ZCCHC8: variants seen among roughly 807,000 people sequenced by gnomAD.
ZCCHC8 encodes zinc finger CCHC domain-containing protein 8.
ZCCHC8 carries 27 observed loss-of-function variants against 70.6 expected under a neutral mutation model. The ratio of observed to expected loss-of-function variants is 0.38; its 90% CI spans 0.28 to 0.53. ZCCHC8 has a LOEUF of 0.53. Ranked by LOEUF, ZCCHC8 falls within the 20% of genes least tolerant of loss-of-function variation. ZCCHC8 has a pLI of 0.81. For synonymous variants in ZCCHC8, 293 were observed against 317.4 expected, an observed-to-expected ratio of 0.92 and a Z score of 0.82; for missense variants, 737 against 876.9, an observed-to-expected ratio of 0.84 and a Z score of 2.01.
chr12:122,481,326 A>T (rs1957529443), intron 10 of ZCCHC8, 196 bp downstream of exon 10: 2 of 632,334 alleles, frequency 3.2e-6, no homozygotes, highest in Admixed American at 7.0e-5. Context: ...AAGCCCAGAA[A>T]ACCATCAGAT....
chr12:122,482,133 A>T, intron 8 of ZCCHC8, 46 bp from the exon 9 acceptor site: 1 of 1,527,782 alleles, frequency 6.5e-7, no homozygotes, highest in Non-Finnish European at 8.7e-7. Context: ...GCAACTCAGA[A>T]ATATTTCAGA....
rs1185265225 is a variant in ZCCHC8 at position 122,473,553 on chromosome 12, T to G, written c.2068A>C (p.Ser690Arg). Residue 690 changes from serine (S) to arginine (R), a missense_variant, in exon 14 of 14, where the codon AGC becomes CGC. By Grantham distance (110) the Ser-to-Arg change is moderately radical. Coordinates refer to ENST00000633063, the MANE Select transcript of ZCCHC8 (RefSeq NM_017612.5). ...ESTGMYLRIR[S>R]LLKNSPRNQQ... is the part of the protein sequence containing the mutation. ...TTTCGGGGTGAGTTCTTTAACAAGC[T>G]TCTTATCCTGAGGTACATTCCAGTA... 6.2e-7 allele frequency: 1 copy of G among 1,613,942 alleles called. No homozygotes were observed. Among genetic ancestry groups the G allele is most frequent in the Non-Finnish European group, 8.5e-7 (1 of 1,179,906 alleles).
chr12:122,489,552 A>C lies in ZCCHC8; in HGVS notation c.424-89T>G, dbSNP rs534498930. 3.4e-6 allele frequency: 4 copies of C among 1,170,624 alleles called. No homozygotes were observed. The East Asian group carries it at 1.0e-4, about 29-fold the overall frequency. 72.5% of individuals were successfully genotyped at this position (1,170,624 alleles called of 1,614,324 possible). On this transcript the variant is annotated intron_variant, in intron 4 of 13. Coordinates refer to ENST00000633063, the MANE Select transcript of ZCCHC8 (RefSeq NM_017612.5). ...TAGTAAGTTTAGAAATTAAGCTAAG[A>C]ATGTTTATGAACGACATTTCATGTG...
chr12:122,474,950 G>A (rs1320418944), intron 13 of ZCCHC8, among the ~76,000 whole-genome samples: 4 of 152,064 alleles, frequency 2.6e-5, no homozygotes, highest in Admixed American at 2.6e-4. Flanking sequence ...GGCCAGGCTG[G>A]TCTCGAACTC....
rs1489076250 is a variant in ZCCHC8, at chr12:122,477,871, C to G, written c.1315G>C (p.Gly439Arg). The G allele has an allele frequency of 1.4e-5, 23 of 1,613,684 alleles. No homozygotes were observed. The highest frequency in any genetic ancestry group is 1.9e-5 in the Non-Finnish European group (23 of 1,179,796). The change falls in exon 13 of 14, where the codon GGA becomes CGA. Residue 439 changes from glycine to arginine, a missense_variant. Transcript: ENST00000633063. ...KKQKNESNSA[G>R]SPADMELDSD... ...TCGAGCTCCATGTCGGCGGGAGATCCCGCTGAGTTGCTTTCATTCTTCTGC... is the reference window on the plus strand; with the variant it reads ...TCGAGCTCCATGTCGGCGGGAGATCGCGCTGAGTTGCTTTCATTCTTCTGC...
chr12:122,493,072 T>C (rs549764584), intron 2 of ZCCHC8, among the ~76,000 whole-genome samples: 1 of 152,268 alleles, frequency 6.6e-6, no homozygotes, highest in Admixed American at 6.5e-5. Flanking sequence ...TTTGCCATGT[T>C]GGCCAGGCTG....
At position 122,498,869 on chromosome 12, in the gene ZCCHC8, T is replaced by G. The variant is rs1234570703; in HGVS notation, c.200A>C (p.Asn67Thr). Residue 67 changes from asparagine to threonine, a missense_variant and splice_region_variant, in exon 2 of 14, where the codon AAT becomes ACT. Asn to Thr is a moderately conservative substitution (Grantham distance 65). Coordinates refer to ENST00000633063, the MANE Select transcript of ZCCHC8 (RefSeq NM_017612.5). ...EETIEQLRAE[N>T]QELKRKLNIL... ...GTTCAATTTTCGTTTAAGTTCTTGA[T>G]GTTATTATTTGTTAAGGAAGATAAG... 6.2e-7 allele frequency: 1 copy of G among 1,612,850 alleles called. No individual in the cohort carries two copies. The highest frequency in any genetic ancestry group is 2.2e-5 in the East Asian group (1 of 44,784).
rs1383552028 is a variant in ZCCHC8, at chr12:122,500,672, C to T, written c.169G>A (p.Glu57Lys). Reference protein sequence around the residue: ...AELRERLRQCEETIEQLRAEN... With the variant: ...AELRERLRQCKETIEQLRAEN... ...GCGCGGAGCTGCTCGATGGTCTCCTCGCACTGCCGAAGCCGCTCCCGTAGC... is the reference window on the plus strand; with the variant it reads ...GCGCGGAGCTGCTCGATGGTCTCCTTGCACTGCCGAAGCCGCTCCCGTAGC... Residue 57 changes from glutamate (E) to lysine (K), a missense_variant, in exon 1 of 14, where the codon GAG (glutamate) becomes AAG (lysine). Physicochemically the swap from Glu to Lys is moderately conservative, Grantham distance 56. Transcript: ENST00000633063. The surrounding 1 kb of genome is among the most constrained non-coding windows in gnomAD (Gnocchi z 4.8). 1.3e-6 allele frequency: 2 copies of T among 1,581,398 alleles called. No homozygotes were observed. Among genetic ancestry groups the T allele is most frequent in the African/African-American group, 1.3e-5 (1 of 74,318 alleles).
intron 3 of ZCCHC8, 142 bp downstream of exon 3, chr12:122,492,573 A>G: frequency 6.3e-6 from 4 of 634,362 alleles, no homozygotes; most frequent in South Asian, 2.0e-5. Context: ...GCTCTTAATC[A>G]TGATTCCTTG....
chr12:122,478,881 CAGGGGACTCTGAAGT>C (rs1423153361), intron 11 of ZCCHC8, among the ~76,000 whole-genome samples: 1 of 152,134 alleles, frequency 6.6e-6, no homozygotes, highest in Admixed American at 6.5e-5. Flanking sequence ...CGAGTATTCC[CAGGGGACTCTGAAGT>C]AGACTGGAAG....
Position 122,473,307 on chromosome 12 carries a change from G to T in ZCCHC8, c.*190C>A. ...TCACATCTCCCCCCAAGTTTTGTCA[G>T]TGAGAATAAAATATACTGAACTAGT... On this transcript the variant is annotated 3_prime_UTR_variant, in exon 14 of 14. Transcript: ENST00000633063. The T allele has an allele frequency of 1.5e-6, 1 of 648,710 alleles. No homozygotes were observed. Among genetic ancestry groups the T allele is most frequent in the South Asian group, 2.6e-5 (1 of 38,126 alleles). The allele number at this position is 648,710 out of a possible 1,614,324, so 40.2% of individuals were successfully genotyped here. A position where few individuals can be genotyped will look rare whatever the true frequency, so the allele number is the denominator to read the frequency against.
intron 11 of ZCCHC8, 42 bp from the exon 12 acceptor site, chr12:122,478,334 G>T: frequency 7.0e-7 from 1 of 1,426,984 alleles, no homozygotes; most frequent in South Asian, 1.3e-5. Context: ...ACATGTATTT[G>T]GAAAATGTCA....
At chr12:122,498,456 T>C (rs1957864519) in intron 2 of ZCCHC8, among the ~76,000 whole-genome samples, 1 of 152,088 alleles carries the variant, frequency 6.6e-6, no homozygotes, top group Non-Finnish European at 1.5e-5. Flanking sequence ...TTTTTTTAGG[T>C]GCTGGAATTA....
chr12:122,497,533 C>T (rs1957845005), intron 2 of ZCCHC8, among the ~76,000 whole-genome samples: 1 of 151,966 alleles, frequency 6.6e-6, no homozygotes, highest in South Asian at 2.1e-4. Flanking sequence ...CAGAGTAACA[C>T]TCTGTCTCAA....
At chr12:122,491,599 TG>T (rs1957745643) in intron 3 of ZCCHC8, among the ~76,000 whole-genome samples, 1 of 148,364 alleles carries the variant, frequency 6.7e-6, no homozygotes, top group Admixed American at 6.8e-5. Flanking sequence ...GAGGCCGAGA[TG>T]GGTGGATCAC....
At chr12:122,482,751 T>C in intron 7 of ZCCHC8, 56 bp from the exon 8 acceptor site, 1 of 1,462,104 alleles carries the variant, frequency 6.8e-7, no homozygotes, top group Non-Finnish European at 9.4e-7. Context: ...GAAAAGCAAA[T>C]CAATAAAATT....
At chr12:122,499,004 T>C in intron 1 of ZCCHC8, 135 bp from the exon 2 acceptor site, 1 of 814,052 alleles carries the variant, frequency 1.2e-6, no homozygotes, top group Non-Finnish European at 2.0e-6. Context: ...ATGACACACT[T>C]ATTGAGCTTC....
chr12:122,481,901 T>A, intron 9 of ZCCHC8, 44 bp downstream of exon 9: 1 of 1,593,042 alleles, frequency 6.3e-7, no homozygotes, highest in South Asian at 1.1e-5. Flanking sequence ...TTCCAAATGC[T>A]AGGGAAATAA....
At chr12:122,496,897 A>G (rs1957833978) in intron 2 of ZCCHC8, among the ~76,000 whole-genome samples, 2 of 152,170 alleles carry the variant, frequency 1.3e-5, no homozygotes, top group Non-Finnish European at 2.9e-5. Flanking sequence ...CTGTAATCCC[A>G]GCACTTTGGG....
Sources: gnomAD v4.1 joint callset for allele counts (sites outside exome capture counted in the v4.1 genomes callset) on GRCh38, gnomAD v4.1.1 for gene constraint, Gnocchi (gnomAD v3.1) non-coding constraint, MANE v1.5 for transcripts, NCBI Gene and HGNC (gene_info 2026-07-23, HGNC 2026-07-21) for gene names.